Variants in SRPK1 observed in about 807,000 individuals in gnomAD.
The protein encoded by SRPK1 is SFRS protein kinase 1.
In SRPK1, 52 loss-of-function variants were observed where a neutral mutation model predicts 89.5. That is an observed-to-expected ratio of 0.58 (90% CI 0.46 to 0.73). The LOEUF (loss-of-function observed/expected upper bound fraction) is 0.73, where lower values mean the gene tolerates loss of function less well. SRPK1 is among the 30% of genes least tolerant of loss of function. The pLI is 0.00. For missense variants in SRPK1, 603 were observed against 780.6 expected (o/e 0.77, Z 2.71); for synonymous variants, 255 against 270.2 (o/e 0.94, Z 0.55).
In SRPK1 at chr6:35,903,204, T is replaced by C. The variant is rs533711112; in HGVS notation, c.75-12191A>G. 2.6e-5 allele frequency among the ~76,000 whole-genome samples: 4 copies of C among 152,038 alleles called. No homozygotes were observed. In the East Asian group the frequency reaches 7.7e-4, roughly 29 times the overall value. On this transcript the variant is annotated intron_variant, in intron 2 of 15. Coordinates refer to ENST00000373825, the MANE Select transcript of SRPK1 (RefSeq NM_003137.5). ...ATCAGTTACAAAATAAGGCTTACCCTAATATTTCAGGAAACAAAAGTTCAC... is the reference window on the plus strand; with the variant it reads ...ATCAGTTACAAAATAAGGCTTACCCCAATATTTCAGGAAACAAAAGTTCAC...
At chr6:35,915,290 C>G (rs1248307124) in intron 2 of SRPK1, among the ~76,000 whole-genome samples, 1 of 151,434 alleles carries the variant, frequency 6.6e-6, no homozygotes, top group Non-Finnish European at 1.5e-5. Flanking sequence ...GCCTGTAGTC[C>G]CGGCTACTCG....
chr6:35,918,455 C>G (rs559019798), intron 2 of SRPK1, among the ~76,000 whole-genome samples: 8 of 151,722 alleles, frequency 5.3e-5, no homozygotes, highest in Non-Finnish European at 1.2e-4. Context: ...GAGCCGAGAT[C>G]GCACCATTGC....
At chr6:35,867,756 C>G (rs1561977506) in intron 12 of SRPK1, among the ~76,000 whole-genome samples, 1 of 152,012 alleles carries the variant, frequency 6.6e-6, no homozygotes, top group East Asian at 1.9e-4. Flanking sequence ...GGCAGAGGTT[C>G]CAGTGAGCTG....
Position 35,889,934 on chromosome 6 carries a change from T to TAA in SRPK1, c.193+959_193+960dup, listed in dbSNP as rs770236250. ...TAACACGGTGAAACCCTGTGTCTAC[T>TAA]AAAAAAAAAAAAAAATACAAAAAAT... On this transcript the variant is annotated intron_variant, in intron 3 of 15. Coordinates refer to ENST00000373825, the MANE Select transcript of SRPK1 (RefSeq NM_003137.5). Among the ~76,000 whole-genome samples, 518 of 128,600 alleles carry TAA rather than the reference T, an allele frequency of 4.0e-3. 1 individual carries two copies. Among genetic ancestry groups the TAA allele is most frequent in the African/African-American group, 0.014 (475 of 35,044 alleles). 84.4% of individuals were successfully genotyped at this position (128,600 alleles called of 152,430 possible). A position where few individuals can be genotyped will look rare whatever the true frequency, so the allele number is the denominator to read the frequency against.
Position 35,833,797 on chromosome 6 carries a change from C to T in SRPK1, c.*1507G>A, listed in dbSNP as rs1390104079. ...GAAAGGTGGTTACCCAATAGCCTCA[C>T]TGGTGGCTTGCTAGCAGAGCCTCAA... On this transcript the variant is annotated 3_prime_UTR_variant, in exon 16 of 16. Coordinates refer to ENST00000373825, the MANE Select transcript of SRPK1 (RefSeq NM_003137.5). 1 of 152,496 alleles carries T rather than the reference C, an allele frequency of 6.6e-6. No homozygotes were observed. Among genetic ancestry groups the T allele is most frequent in the East Asian group, 1.9e-4 (1 of 5,202 alleles). 9.4% of individuals were successfully genotyped at this position (152,496 alleles called of 1,614,324 possible).
intron 2 of SRPK1, among the ~76,000 whole-genome samples, chr6:35,913,368 T>C (rs1771014446): frequency 1.3e-5 from 2 of 152,092 alleles, no homozygotes; most frequent in African/African-American, 4.8e-5. Context: ...GATATAACAG[T>C]TGACCTTGAG....
At chr6:35,854,964 AACAATATTAAAACCTT>A (rs1308394669) in intron 13 of SRPK1, among the ~76,000 whole-genome samples, 1 of 152,132 alleles carries the variant, frequency 6.6e-6, no homozygotes, top group African/African-American at 2.4e-5. Flanking sequence ...CATTTTGTGC[AACAATATTAAAACCTT>A]ACTTCAGACA....
chr6:35,919,020 C>T (rs900920311), intron 2 of SRPK1, among the ~76,000 whole-genome samples: 1 of 152,166 alleles, frequency 6.6e-6, no homozygotes, highest in Non-Finnish European at 1.5e-5. Context: ...CGTTTTAACA[C>T]ATTCTCATCA....
chr6:35,890,100 C>T (rs1770488263), intron 3 of SRPK1, among the ~76,000 whole-genome samples: 1 of 152,022 alleles, frequency 6.6e-6, no homozygotes, highest in African/African-American at 2.4e-5. Context: ...CAGAGCGAGA[C>T]TCCGCCTCAA....
chr6:35,846,945 T>C (rs1438796036), intron 13 of SRPK1, among the ~76,000 whole-genome samples: 2 of 152,132 alleles, frequency 1.3e-5, no homozygotes, highest in South Asian at 2.1e-4. Context: ...TGTGACAAAA[T>C]TCAGCATCCT....
intron 13 of SRPK1, among the ~76,000 whole-genome samples, chr6:35,849,694 G>T (rs1031998286): frequency 3.3e-5 from 5 of 152,114 alleles, no homozygotes; most frequent in African/African-American, 1.2e-4. Flanking sequence ...GACATGACAC[G>T]CAAAGGAAAT....
At chr6:35,840,817 A>T (rs1769290674) in intron 14 of SRPK1, among the ~76,000 whole-genome samples, 1 of 152,198 alleles carries the variant, frequency 6.6e-6, no homozygotes, top group South Asian at 2.1e-4. Context: ...GCAGAACAGC[A>T]TCGGTGGGGC....
At chr6:35,919,370 C>CAAA (rs1771178010) in intron 2 of SRPK1, among the ~76,000 whole-genome samples, 3 of 152,136 alleles carry the variant, frequency 2.0e-5, no homozygotes, top group African/African-American at 7.2e-5. Context: ...ACACACACCC[C>CAAA]TACACCCCCC....
Position 35,860,099 on chromosome 6 carries a change from C to T in SRPK1, c.1513-2731G>A, listed in dbSNP as rs368919916. The stretch of plus-strand genomic sequence containing the variant: ...TAGGATGGTCTTGATCTCCTGACCT[C>T]GTGATCCGCCTGCCTCGGCCTCCCA... On this transcript the variant is annotated intron_variant, in intron 12 of 15. Coordinates refer to ENST00000373825, the MANE Select transcript of SRPK1 (RefSeq NM_003137.5). Among the ~76,000 whole-genome samples the T allele has an allele frequency of 2.0e-5, 3 of 152,060 alleles. No individual in the cohort carries two copies. The East Asian group carries it at 5.8e-4, about 29-fold the overall frequency.
chr6:35,886,713 TA>T lies in SRPK1; in HGVS notation c.478+10del. On this transcript the variant is annotated intron_variant, in intron 6 of 15. Coordinates refer to ENST00000373825, the MANE Select transcript of SRPK1 (RefSeq NM_003137.5). Reference sequence around the variant, plus strand: ...GATGATTTATTCTCAAATAGGTTTTTAAAAGGATACGTGTTCCATTAACTCC... The same window carrying T: ...GATGATTTATTCTCAAATAGGTTTTTAAAGGATACGTGTTCCATTAACTCC... 6.7e-7 allele frequency: 1 copy of T among 1,501,530 alleles called. No individual in the cohort carries two copies. The highest frequency in any genetic ancestry group is 9.3e-7 in the Non-Finnish European group (1 of 1,079,906). 93.0% of individuals were successfully genotyped at this position (1,501,530 alleles called of 1,614,324 possible).
chr6:35,886,852 A>T, intron 5 of SRPK1, 41 bp from the exon 6 acceptor site: 1 of 1,183,488 alleles, frequency 8.4e-7, no homozygotes, highest in South Asian at 1.2e-5. Context: ...AAGGTAAAGC[A>T]TGGAAATAAA....
intron 14 of SRPK1, among the ~76,000 whole-genome samples, chr6:35,840,157 G>GTTA (rs1224132381): frequency 6.6e-6 from 1 of 152,192 alleles, no homozygotes; most frequent in African/African-American, 2.4e-5. Flanking sequence ...TTATCGTGTA[G>GTTA]TTACAGAATC....
At chr6:35,893,329 G>A (rs1041894505) in intron 2 of SRPK1, among the ~76,000 whole-genome samples, 3 of 151,902 alleles carry the variant, frequency 2.0e-5, no homozygotes, top group South Asian at 4.2e-4. Context: ...TAAGAAAAAC[G>A]CAAAAATTAA....
At chr6:35,914,146 T>G (rs1383987472) in intron 2 of SRPK1, among the ~76,000 whole-genome samples, 1 of 151,920 alleles carries the variant, frequency 6.6e-6, no homozygotes, top group African/African-American at 2.4e-5. Context: ...CGGCTAATTT[T>G]TTGTATTTTT....
Sources: gnomAD v4.1 joint callset for allele counts (sites outside exome capture counted in the v4.1 genomes callset) on GRCh38, gnomAD v4.1.1 for gene constraint, MANE v1.5 for transcripts, NCBI Gene and HGNC (gene_info 2026-07-23, HGNC 2026-07-21) for gene names.